Variants in AKAP9 observed in about 807,000 individuals in gnomAD.
AKAP9 encodes A-kinase anchoring protein 9.
AKAP9 carries 311 observed loss-of-function variants against 488.5 expected under a neutral mutation model. The observed-to-expected ratio is 0.64, with a 90% CI of 0.58 to 0.70. The LOEUF is 0.70. Among genes scored for constraint, AKAP9 ranks in the 30% least tolerant of loss-of-function variants. The probability of loss-of-function intolerance (pLI) is 0.00; values close to 1 mark genes in which losing one functional copy is unlikely to be tolerated. For missense variants in AKAP9, 4,215 were observed against 4,374.5 expected, an observed-to-expected ratio of 0.96 and a Z score of 1.03; for synonymous variants, 1,462 against 1,483.5, an observed-to-expected ratio of 0.99 and a Z score of 0.33.
intron 37 of AKAP9, among the ~76,000 whole-genome samples, chr7:92,088,875 A>G (rs1320707008): frequency 6.6e-6 from 1 of 152,182 alleles, no homozygotes; most frequent in Non-Finnish European, 1.5e-5. Context: ...ATAATATACT[A>G]TGGTAATGCA....
chr7:92,096,975 T>G lies in AKAP9; in HGVS notation c.10016T>G (p.Leu3339Trp). The G allele has an allele frequency of 1.9e-6, 3 of 1,614,162 alleles. No homozygotes were observed. Among genetic ancestry groups the G allele is most frequent in the East Asian group, 2.2e-5 (1 of 44,884 alleles). ...SDGTGQSRPP[L>W]PSEDLLKELQ... ...GGTACTGGACAGTCTCGGCCACCCT[T>G]GCCCTCAGAGGACCTACTGAAAGAG... is the stretch of plus-strand genomic sequence containing the variant. Residue 3339 changes from leucine (L) to tryptophan (W), a missense_variant, in exon 41 of 50, where the codon TTG (leucine) becomes TGG (tryptophan). Transcript: ENST00000356239.
intron 1 of AKAP9, among the ~76,000 whole-genome samples, chr7:91,953,821 C>A (rs1479550433): frequency 1.4e-5 from 2 of 145,172 alleles, no homozygotes; most frequent in African/African-American, 5.1e-5. Flanking sequence ...CGCCCCCCAC[C>A]ACACACAAAA....
intron 1 of AKAP9, among the ~76,000 whole-genome samples, chr7:91,950,001 T>G (rs1791990825): frequency 6.6e-6 from 1 of 152,132 alleles, no homozygotes; most frequent in Non-Finnish European, 1.5e-5. Flanking sequence ...AAGATTATTG[T>G]TTTGATGATT....
chr7:92,036,312 TA>T (rs964262601), intron 16 of AKAP9, among the ~76,000 whole-genome samples: 24 of 151,386 alleles, frequency 1.6e-4, no homozygotes, highest in Admixed American at 7.9e-4. Flanking sequence ...CCTTTTTTTT[TA>T]ATTTTTTTTA....
intron 21 of AKAP9, among the ~76,000 whole-genome samples, chr7:92,050,966 A>G (rs982462916): frequency 6.6e-6 from 1 of 152,114 alleles, no homozygotes; most frequent in Non-Finnish European, 1.5e-5. Context: ...GTCTTCTCCA[A>G]CCTGTGCTTT....
rs1431551701 is a variant in AKAP9, at chr7:91,973,975, A to G, written c.306+7A>G. ...GCAGGGCTTCTCTGTGGAAGTAAGT[A>G]TTCTCCCAGATTTTTAATCATTATG... On this transcript the variant is annotated splice_region_variant and intron_variant, in intron 2 of 49. Transcript: ENST00000356239. 1 of 1,613,840 alleles carries G rather than the reference A, an allele frequency of 6.2e-7. No homozygotes were observed. The highest frequency in any genetic ancestry group is 8.5e-7 in the Non-Finnish European group (1 of 1,179,854).
At position 92,097,616 on chromosome 7, in the gene AKAP9, A is replaced by T; in HGVS notation, c.10429A>T (p.Thr3477Ser). The T allele has an allele frequency of 6.2e-7, 1 of 1,613,850 alleles. No homozygotes were observed. Among genetic ancestry groups the T allele is most frequent in the Non-Finnish European group, 8.5e-7 (1 of 1,180,020 alleles). The stretch of plus-strand genomic sequence containing the variant: ...CACGTGGAGCTTAACCAGTGATAGA[A>T]CTAGAAATTGGGTTCTTCAACAGAA... ...PTTWSLTSDRTRNWVLQQKIE... is the reference protein window; with the variant it reads ...PTTWSLTSDRSRNWVLQQKIE... The change falls in exon 42 of 50, where the codon ACT (threonine) becomes TCT (serine). Residue 3477 changes from threonine to serine, a missense_variant. Physicochemically the swap from Thr to Ser is moderately conservative, Grantham distance 58. This residue lies in a region of AKAP9 where 1,476 missense variants were observed against 1,477.4 expected (regional missense o/e 1.00). Coordinates refer to ENST00000356239, the MANE Select transcript of AKAP9 (RefSeq NM_005751.5).
chr7:92,042,567 C>T, intron 19 of AKAP9, 101 bp from the exon 20 acceptor site: 3 of 820,492 alleles, frequency 3.7e-6, no homozygotes, highest in South Asian at 3.0e-5. Context: ...ACAGAGGTTT[C>T]TATTTTATCT....
chr7:92,109,062 A>G (rs1034839667), intron 49 of AKAP9: 8 of 282,618 alleles, frequency 2.8e-5, no homozygotes, highest in Admixed American at 9.6e-5. Context: ...AAAAAAAAAA[A>G]AAAGAAAGTG....
At chr7:92,005,797 C>G (rs1799761454) in intron 8 of AKAP9, among the ~76,000 whole-genome samples, 1 of 148,664 alleles carries the variant, frequency 6.7e-6, no homozygotes, top group Non-Finnish European at 1.5e-5. Context: ...TCCTGAGTAG[C>G]TGGGATTACA....
chr7:92,068,225 G>T lies in AKAP9; in HGVS notation c.6330+1679G>T, dbSNP rs553317957. Among the ~76,000 whole-genome samples, 5 of 151,654 alleles carry T rather than the reference G, an allele frequency of 3.3e-5. No homozygotes were observed. In the South Asian group the frequency reaches 1.0e-3, roughly 32 times the overall value. On this transcript the variant is annotated intron_variant, in intron 26 of 49. Coordinates refer to ENST00000356239, the MANE Select transcript of AKAP9 (RefSeq NM_005751.5). ...AATACAAAAAAAAAAAATTAGCCAG[G>T]CGTGGTGGCGGGCACCTGTAGTCCT...
chr7:92,057,857 G>A (rs1427257283), intron 22 of AKAP9: 1 of 229,538 alleles, frequency 4.4e-6, no homozygotes, highest in African/African-American at 2.2e-5. Context: ...AGTTTAAAAG[G>A]TGTTTTTGTT....
chr7:92,097,164 A>C lies in AKAP9; in HGVS notation c.10205A>C (p.Gln3402Pro), dbSNP rs1444830053. ...GAACAGGAGGCCAACACTGAGGGAC[A>C]GAAAAAAATGCATGAGCTCCAGTCC... ...QTEQEANTEG[Q>P]KKMHELQSKV... is the part of the protein sequence containing the mutation. The change falls in exon 41 of 50, where the codon CAG becomes CCG. Residue 3402 changes from glutamine to proline, a missense_variant. Coordinates refer to ENST00000356239, the MANE Select transcript of AKAP9 (RefSeq NM_005751.5). 1.9e-6 allele frequency: 3 copies of C among 1,614,004 alleles called. No individual in the cohort carries two copies. Among genetic ancestry groups the C allele is most frequent in the Non-Finnish European group, 1.7e-6 (2 of 1,179,968 alleles).
At chr7:92,013,202 G>A (rs1025129945) in intron 9 of AKAP9, among the ~76,000 whole-genome samples, 14 of 150,672 alleles carry the variant, frequency 9.3e-5, no homozygotes, top group African/African-American at 2.7e-4. Context: ...CGTTTTAGCC[G>A]GGATGGTCTC....
Position 92,101,049 on chromosome 7 carries a change from C to T in AKAP9, c.11090C>T (p.Thr3697Ile), listed in dbSNP as rs769625141. ...QTLSPDSEHV[T>I]LKRIYGKYLR... is the part of the protein sequence containing the mutation. ...CTGAGCCCTGATTCTGAACATGTCACTTTAAAGGTAGGAGACATCTCCCAT... is the reference window on the plus strand; with the variant it reads ...CTGAGCCCTGATTCTGAACATGTCATTTTAAAGGTAGGAGACATCTCCCAT... The change falls in exon 45 of 50, where the codon ACT (threonine) becomes ATT (isoleucine). Residue 3697 changes from threonine to isoleucine, a missense_variant. This residue lies in a region of AKAP9 where 253 missense variants were observed against 266.8 expected (regional missense o/e 0.95). Coordinates refer to ENST00000356239, the MANE Select transcript of AKAP9 (RefSeq NM_005751.5). The T allele has an allele frequency of 2.5e-6, 4 of 1,613,064 alleles. No homozygotes were observed. The African/African-American group carries it at 5.3e-5, about 22-fold the overall frequency.
At position 91,941,122 on chromosome 7, in the gene AKAP9, A is replaced by AGAAGC; in HGVS notation, c.24_28dup (p.Leu10ArgfsTer48). On this transcript the variant is annotated frameshift_variant, in exon 1 of 50. Coordinates refer to ENST00000356239, the MANE Select transcript of AKAP9 (RefSeq NM_005751.5). LOFTEE classifies it high-confidence loss of function. ...GCCATGGAGGACGAGGAGAGACAGAAGAAGCTGGAGGCCGGCAAAGCCAAG... is the reference window on the plus strand; with the variant it reads ...GCCATGGAGGACGAGGAGAGACAGAAGAAGCGAAGCTGGAGGCCGGCAAAGCCAAG... 1 of 1,614,072 alleles carries AGAAGC rather than the reference A, an allele frequency of 6.2e-7. No individual in the cohort carries two copies. Among genetic ancestry groups the AGAAGC allele is most frequent in the Non-Finnish European group, 8.5e-7 (1 of 1,179,934 alleles).
chr7:92,105,787 CTTATGT>C, intron 47 of AKAP9, 24 bp downstream of exon 47: 1 of 1,583,860 alleles, frequency 6.3e-7, no homozygotes, highest in African/African-American at 1.3e-5. Flanking sequence ...AGCATATTTT[CTTATGT>C]TTATGACTCT....
Position 92,070,925 on chromosome 7 carries a change from T to C in AKAP9, c.6528T>C (p.Phe2176=). The change falls in exon 28 of 50, where the codon TTT becomes TTC. Residue 2176 remains phenylalanine, a synonymous_variant. Transcript: ENST00000356239. ...TAAAGGTAGAGGACCGAAAACACTT[T>C]GGAGCTGTAGAAGCTAAACCAGAAT... ...TFQKVEDRKH[F]GAVEAKPELS... The C allele has an allele frequency of 2.5e-6, 4 of 1,613,746 alleles. No individual in the cohort carries two copies. Among genetic ancestry groups the C allele is most frequent in the Non-Finnish European group, 3.4e-6 (4 of 1,179,794 alleles).
chr7:91,941,767 G>A (rs1790786214), intron 1 of AKAP9, among the ~76,000 whole-genome samples: 1 of 152,122 alleles, frequency 6.6e-6, no homozygotes, highest in Non-Finnish European at 1.5e-5. Context: ...CCTATGGAAT[G>A]TTAATGCAGT....
Sources: gnomAD v4.1 joint callset for allele counts (sites outside exome capture counted in the v4.1 genomes callset) on GRCh38, gnomAD v4.1.1 for gene constraint, gnomAD v4.1.1 regional missense constraint, MANE v1.5 for transcripts, NCBI Gene and HGNC (gene_info 2026-07-23, HGNC 2026-07-21) for gene names.